The following SOCS5 variants were observed in gnomAD, a reference collection of about 807,000 sequenced individuals.
SOCS5 encodes suppressor of cytokine signaling 5, also known as CIS-6.
Under a neutral mutation model 42.8 loss-of-function variants are expected in SOCS5, and 32 were observed. The observed-to-expected ratio is 0.75, with a 90% confidence interval of 0.56 to 1.01. SOCS5 has a LOEUF of 1.01. Among genes scored for constraint, SOCS5 ranks in the 50% least tolerant of loss-of-function variants. The probability of loss-of-function intolerance (pLI) is 0.00; values close to 1 mark genes in which losing one functional copy is unlikely to be tolerated. For synonymous variants in SOCS5, 283 were observed against 229.6 expected (o/e 1.23, Z -2.10); for missense variants, 627 against 653.0 (o/e 0.96, Z 0.43).
intron 1 of SOCS5, among the ~76,000 whole-genome samples, chr2:46,709,622 G>A (rs1440414691): frequency 6.6e-6 from 1 of 152,192 alleles, no homozygotes; most frequent in Non-Finnish European, 1.5e-5. Flanking sequence ...GGAAGTGAAG[G>A]ACCTGGTGAA....
chr2:46,741,884 G>A (rs1558409332), intron 1 of SOCS5, among the ~76,000 whole-genome samples: 1 of 152,044 alleles, frequency 6.6e-6, no homozygotes, highest in African/African-American at 2.4e-5. Flanking sequence ...ATCTGATTAT[G>A]TTCTTGGAAT....
intron 1 of SOCS5, among the ~76,000 whole-genome samples, chr2:46,705,072 C>G (rs1338737604): frequency 6.6e-6 from 1 of 152,208 alleles, no homozygotes. Context: ...GTAATTGTCA[C>G]TATTTCTGAC....
chr2:46,734,972 C>G (rs1469740235), intron 1 of SOCS5, among the ~76,000 whole-genome samples: 1 of 152,142 alleles, frequency 6.6e-6, no homozygotes, highest in African/African-American at 2.4e-5. Flanking sequence ...GGAGTCCATG[C>G]CTTTGCGGTA....
chr2:46,736,732 C>T (rs1673259942), intron 1 of SOCS5, among the ~76,000 whole-genome samples: 1 of 152,152 alleles, frequency 6.6e-6, no homozygotes, highest in South Asian at 2.1e-4. Context: ...TTGATGGACG[C>T]TTGGGTTGTT....
intron 1 of SOCS5, among the ~76,000 whole-genome samples, chr2:46,706,838 A>G (rs963967447): frequency 3.3e-5 from 5 of 152,204 alleles, no homozygotes; most frequent in Non-Finnish European, 5.9e-5. Flanking sequence ...CAGAGGGAAT[A>G]GTAGTATATT....
rs1673862278 is a variant in SOCS5 at position 46,761,232 on chromosome 2, A to G, written c.*1091A>G. The G allele has an allele frequency of 6.0e-6, 1 of 167,206 alleles. No individual in the cohort carries two copies. The highest frequency in any genetic ancestry group is 2.1e-4 in the South Asian group (1 of 4,826). The allele number at this position is 167,206 out of a possible 1,614,324, so 10.4% of individuals were successfully genotyped here. A position where few individuals can be genotyped will look rare whatever the true frequency, so the allele number is the denominator to read the frequency against. On this transcript the variant is annotated 3_prime_UTR_variant, in exon 2 of 2. Transcript: ENST00000394861. ...CCATTATATCTGTAAATAACTTAGC[A>G]CCTTTTTGTCACTTAGAATAATATG...
Position 46,759,706 on chromosome 2 carries a change from A to G in SOCS5, c.1176A>G (p.Glu392=), listed in dbSNP as rs764859914. 2 of 1,614,126 alleles carry G rather than the reference A, an allele frequency of 1.2e-6. No homozygotes were observed. Among genetic ancestry groups the G allele is most frequent in the Admixed American group, 3.3e-5 (2 of 60,022 alleles). Residue 392 remains glutamate, a synonymous_variant, in exon 2 of 2, where the codon GAA becomes GAG. Transcript: ENST00000394861. ...GAGTGATGGACCGTTATGAAGCAGA[A>G]GCCCTTCTCGAAGGGAAACCTGAAG... ...YWGVMDRYEA[E]ALLEGKPEGT...
chr2:46,720,437 T>A (rs1385594687), intron 1 of SOCS5, among the ~76,000 whole-genome samples: 1 of 152,248 alleles, frequency 6.6e-6, no homozygotes. Context: ...TGTCTTACTG[T>A]GAGATCTGGC....
intron 1 of SOCS5, among the ~76,000 whole-genome samples, chr2:46,728,646 C>T (rs545234854): frequency 4.6e-5 from 7 of 152,272 alleles, no homozygotes; most frequent in African/African-American, 1.7e-4. Flanking sequence ...ACCTCCACCT[C>T]CTGGGTTCAA....
At chr2:46,723,075 A>G (rs554871857) in intron 1 of SOCS5, among the ~76,000 whole-genome samples, 125 of 152,090 alleles carry the variant, frequency 8.2e-4, no homozygotes, top group Non-Finnish European at 1.3e-3. Flanking sequence ...CAGATATGTC[A>G]TTTGCCAATA....
At chr2:46,738,063 C>A (rs1170218007) in intron 1 of SOCS5, among the ~76,000 whole-genome samples, 2 of 152,152 alleles carry the variant, frequency 1.3e-5, no homozygotes, top group East Asian at 3.9e-4. Context: ...GACATTTGAA[C>A]TTGATGTAGA....
At chr2:46,748,214 C>T (rs1408761256) in intron 1 of SOCS5, among the ~76,000 whole-genome samples, 6 of 138,946 alleles carry the variant, frequency 4.3e-5, no homozygotes, top group Non-Finnish European at 7.7e-5. Flanking sequence ...TTGACACAGT[C>T]TCACTCTGTC....
rs1248199019 is a variant in SOCS5, at chr2:46,699,623, G to A, written c.-13+174G>A. 6.6e-6 allele frequency among the ~76,000 whole-genome samples: 1 copy of A among 152,160 alleles called. No homozygotes were observed. The highest frequency in any genetic ancestry group is 1.5e-5 in the Non-Finnish European group (1 of 68,008). On this transcript the variant is annotated intron_variant, in intron 1 of 1. Coordinates refer to ENST00000394861, the MANE Select transcript of SOCS5 (RefSeq NM_144949.3). This position sits in a 1 kb window ranked among gnomAD's most constrained non-coding sequence, Gnocchi z 4.8. ...GCCTCTGGCTGGGATGGGCTGGCCG[G>A]GAAAAGGACTGCTAGCCCGGGCCGC... is the stretch of plus-strand genomic sequence containing the variant.
rs1056270488 is a variant in SOCS5 at position 46,762,070 on chromosome 2, A to G, written c.*1929A>G. On this transcript the variant is annotated 3_prime_UTR_variant, in exon 2 of 2. Transcript: ENST00000394861. ...TAAAAATAAATGCCCAAAATGTAGAACTTTAACCAAAGACTTGTCCCTTTT... is the reference window on the plus strand; with the variant it reads ...TAAAAATAAATGCCCAAAATGTAGAGCTTTAACCAAAGACTTGTCCCTTTT... 1 of 167,012 alleles carries G rather than the reference A, an allele frequency of 6.0e-6. No individual in the cohort carries two copies. The highest frequency in any genetic ancestry group is 2.4e-5 in the African/African-American group (1 of 41,460). The allele number at this position is 167,012 out of a possible 1,614,324, so 10.3% of individuals were successfully genotyped here.
intron 1 of SOCS5, among the ~76,000 whole-genome samples, chr2:46,734,486 T>C (rs1673198500): frequency 6.6e-6 from 1 of 152,204 alleles, no homozygotes; most frequent in Admixed American, 6.5e-5. Flanking sequence ...CAATAATTCA[T>C]TGGCCTTAGT....
chr2:46,704,675 G>C (rs1026624037), intron 1 of SOCS5, among the ~76,000 whole-genome samples: 4 of 152,140 alleles, frequency 2.6e-5, no homozygotes, highest in African/African-American at 9.7e-5. Flanking sequence ...AGTGACTAGA[G>C]CAGAAAGAAT....
chr2:46,742,956 G>A (rs755951643), intron 1 of SOCS5, among the ~76,000 whole-genome samples: 12 of 152,056 alleles, frequency 7.9e-5, no homozygotes, highest in African/African-American at 2.2e-4. Flanking sequence ...GAGGTTCCAC[G>A]CCTGGCCTGT....
At chr2:46,733,529 C>T (rs1002336457) in intron 1 of SOCS5, among the ~76,000 whole-genome samples, 1 of 137,150 alleles carries the variant, frequency 7.3e-6, no homozygotes, top group African/African-American at 2.8e-5. Context: ...TCCTGGATTG[C>T]ACCAGCCTAG....
At chr2:46,721,981 A>G (rs1021296998) in intron 1 of SOCS5, among the ~76,000 whole-genome samples, 5 of 152,110 alleles carry the variant, frequency 3.3e-5, no homozygotes, top group Admixed American at 3.3e-4. Context: ...TTCCATATTA[A>G]TAATGGACAG....
Sources: gnomAD v4.1 joint callset for allele counts (sites outside exome capture counted in the v4.1 genomes callset) on GRCh38, gnomAD v4.1.1 for gene constraint, Gnocchi (gnomAD v3.1) non-coding constraint, MANE v1.5 for transcripts, NCBI Gene and HGNC (gene_info 2026-07-23, HGNC 2026-07-21) for gene names.